ARHGAP26: variants seen among roughly 807,000 people sequenced by gnomAD.
The protein encoded by ARHGAP26 is Rho GTPase activating protein 26, also known as rho GTPase-activating protein 26.
Under a neutral mutation model 104.8 loss-of-function variants are expected in ARHGAP26, and 38 were observed. That is an observed-to-expected ratio of 0.36 (90% CI 0.28 to 0.48). ARHGAP26 has a LOEUF of 0.48. Among genes scored for constraint, ARHGAP26 ranks in the 20% least tolerant of loss-of-function variants. ARHGAP26 has a pLI of 0.99. For missense variants in ARHGAP26, 704 were observed against 947.9 expected, an observed-to-expected ratio of 0.74 and a Z score of 3.38; for synonymous variants, 341 against 340.0, an observed-to-expected ratio of 1.00 and a Z score of -0.03.
At chr5:142,802,958 A>G (rs943066804) in intron 1 of ARHGAP26, among the ~76,000 whole-genome samples, 1 of 152,204 alleles carries the variant, frequency 6.6e-6, no homozygotes, top group African/African-American at 2.4e-5. Context: ...CCTCTAGTCC[A>G]TATTAAGTGT....
intron 22 of ARHGAP26, among the ~76,000 whole-genome samples, chr5:143,219,134 T>G (rs1810800550): frequency 6.6e-6 from 1 of 152,172 alleles, no homozygotes; most frequent in Admixed American, 6.5e-5. Context: ...CCTGATACAG[T>G]GGGAAGGGAG....
chr5:142,806,220 G>C (rs945077662), intron 1 of ARHGAP26, among the ~76,000 whole-genome samples: 6 of 152,168 alleles, frequency 3.9e-5, no homozygotes, highest in African/African-American at 1.4e-4. Context: ...AGCCTCCCAA[G>C]GAGCTGGGAC....
chr5:143,180,036 A>T (rs1307489310), intron 20 of ARHGAP26, among the ~76,000 whole-genome samples: 1 of 152,184 alleles, frequency 6.6e-6, no homozygotes, highest in East Asian at 1.9e-4. Flanking sequence ...AGTTTTCTGG[A>T]CATCTCTCTG....
intron 11 of ARHGAP26, among the ~76,000 whole-genome samples, chr5:142,982,385 C>T (rs1265582762): frequency 6.6e-6 from 1 of 152,208 alleles, no homozygotes; most frequent in African/African-American, 2.4e-5. Context: ...GGGCTGTGAT[C>T]CCCTAAACAT....
intron 1 of ARHGAP26, among the ~76,000 whole-genome samples, chr5:142,785,130 C>G (rs1758303329): frequency 6.6e-6 from 1 of 152,106 alleles, no homozygotes; most frequent in Non-Finnish European, 1.5e-5. Context: ...CAGGGTTTCA[C>G]TGTGTTAGCC....
At chr5:143,031,440 A>G (rs1781823681) in intron 12 of ARHGAP26, among the ~76,000 whole-genome samples, 1 of 152,172 alleles carries the variant, frequency 6.6e-6, no homozygotes, top group African/African-American at 2.4e-5. Flanking sequence ...ATGATGAAGA[A>G]ATTGGACAAA....
intron 1 of ARHGAP26, among the ~76,000 whole-genome samples, chr5:142,823,737 GGT>G (rs1260883117): frequency 2.0e-5 from 3 of 152,136 alleles, no homozygotes; most frequent in Non-Finnish European, 4.4e-5. Flanking sequence ...TGAATGTCAC[GGT>G]GTGTGTGTTA....
At chr5:143,145,652 C>G (rs1054009220) in intron 19 of ARHGAP26, among the ~76,000 whole-genome samples, 4 of 152,196 alleles carry the variant, frequency 2.6e-5, no homozygotes, top group Admixed American at 2.0e-4. Flanking sequence ...TTTGGTTTCT[C>G]TTTGTTGTCG....
chr5:142,933,992 A>G (rs1011845475), intron 11 of ARHGAP26, among the ~76,000 whole-genome samples: 1 of 152,192 alleles, frequency 6.6e-6, no homozygotes, highest in South Asian at 2.1e-4. Context: ...TTCAACTCAT[A>G]GGGGAGGAAG....
At chr5:143,138,138 C>G (rs1024888437) in intron 19 of ARHGAP26, among the ~76,000 whole-genome samples, 1 of 152,194 alleles carries the variant, frequency 6.6e-6, no homozygotes, top group African/African-American at 2.4e-5. Flanking sequence ...ATAGTCTTCT[C>G]TAGGTGGTTT....
chr5:143,207,114 G>A (rs776996570), intron 20 of ARHGAP26, 84 bp from the exon 21 acceptor site: 31 of 1,531,450 alleles, frequency 2.0e-5, no homozygotes, highest in East Asian at 9.0e-5. Flanking sequence ...CCAGCTTTCC[G>A]TCATCTGGCC....
chr5:142,873,757 T>C (rs1022517033), intron 2 of ARHGAP26, among the ~76,000 whole-genome samples: 12 of 152,144 alleles, frequency 7.9e-5, no homozygotes, highest in Non-Finnish European at 1.8e-4. Flanking sequence ...TCCACCTCCC[T>C]TTAGTATTTT....
chr5:143,113,211 C>A (rs940618600), intron 17 of ARHGAP26, among the ~76,000 whole-genome samples: 1 of 152,138 alleles, frequency 6.6e-6, no homozygotes, highest in Admixed American at 6.5e-5. Context: ...GGTATCTTGT[C>A]TTTTTTTAAG....
chr5:143,184,250 G>A (rs182037025), intron 20 of ARHGAP26, among the ~76,000 whole-genome samples: 1 of 152,324 alleles, frequency 6.6e-6, no homozygotes, highest in East Asian at 1.9e-4. Flanking sequence ...AGGGGGTAGA[G>A]AATGCCTCTT....
At position 142,943,700 on chromosome 5, in the gene ARHGAP26, T is replaced by C. The variant is rs555445879; in HGVS notation, c.1107+11575T>C. 3.3e-5 allele frequency among the ~76,000 whole-genome samples: 5 copies of C among 152,350 alleles called. No homozygotes were observed. The East Asian group carries it at 9.6e-4, about 29-fold the overall frequency. On this transcript the variant is annotated intron_variant, in intron 11 of 22. Coordinates refer to ENST00000645722, the MANE Select transcript of ARHGAP26 (RefSeq NM_001135608.3). ...ACTGTTCATTATTCTAACTTCTTTA[T>C]TAATTTATCAGTTCTAAATATAGCA...
chr5:143,219,162 AC>A (rs1483906476), intron 22 of ARHGAP26, among the ~76,000 whole-genome samples: 3 of 152,248 alleles, frequency 2.0e-5, no homozygotes, highest in Non-Finnish European at 4.4e-5. Context: ...CTGGAGTCAA[AC>A]AAGCTGGGTT....
chr5:143,102,130 C>T (rs79185896), intron 17 of ARHGAP26, among the ~76,000 whole-genome samples: 2 of 152,120 alleles, frequency 1.3e-5, no homozygotes, highest in Non-Finnish European at 2.9e-5. Flanking sequence ...ATATAGACAG[C>T]AGGACCGTGA....
At chr5:143,214,121 CGGGGGG>C in intron 22 of ARHGAP26, 33 bp downstream of exon 22, 6 of 635,194 alleles carry the variant, frequency 9.4e-6, no homozygotes, top group East Asian at 3.4e-5. Context: ...AAGATATGGG[CGGGGGG>C]CGGGGGCAAG....
At chr5:143,024,648 C>A (rs1339020576) in intron 12 of ARHGAP26, among the ~76,000 whole-genome samples, 4 of 152,112 alleles carry the variant, frequency 2.6e-5, no homozygotes, top group Non-Finnish European at 4.4e-5. Flanking sequence ...AACATGTTCA[C>A]TGCTTGATAT....
Sources: gnomAD v4.1 joint callset for allele counts (sites outside exome capture counted in the v4.1 genomes callset) on GRCh38, gnomAD v4.1.1 for gene constraint, MANE v1.5 for transcripts, NCBI Gene and HGNC (gene_info 2026-07-23, HGNC 2026-07-21) for gene names.